The following SNAP91 variants were observed in gnomAD, a reference collection of about 807,000 sequenced individuals.
SNAP91 encodes synaptosome associated protein 91, also known as clathrin coat assembly protein AP180.
SNAP91 carries 27 observed loss-of-function variants against 100.3 expected under a neutral mutation model. That is an observed-to-expected ratio of 0.27 (90% CI 0.20 to 0.37). The LOEUF is 0.37. Ranked by LOEUF, SNAP91 falls within the 10% of genes least tolerant of loss-of-function variation. SNAP91 has a pLI of 1.00. For synonymous variants in SNAP91, 404 were observed against 398.6 expected, an observed-to-expected ratio of 1.01 and a Z score of -0.16; for missense variants, 986 against 1,123.7, an observed-to-expected ratio of 0.88 and a Z score of 1.75.
intron 26 of SNAP91, among the ~76,000 whole-genome samples, chr6:83,564,289 A>C (rs1474727456): frequency 6.6e-6 from 1 of 151,724 alleles, no homozygotes; most frequent in African/African-American, 2.4e-5. Context: ...TATCAAAACC[A>C]ATTAATCAAG....
chr6:83,568,312 A>T (rs1050218361), intron 26 of SNAP91, among the ~76,000 whole-genome samples: 18 of 152,030 alleles, frequency 1.2e-4, no homozygotes, highest in African/African-American at 4.1e-4. Flanking sequence ...ACTTGGACAC[A>T]GGAAGGGGAA....
intron 22 of SNAP91, among the ~76,000 whole-genome samples, chr6:83,583,084 G>A (rs1340156815): frequency 6.6e-6 from 1 of 152,114 alleles, no homozygotes; most frequent in Non-Finnish European, 1.5e-5. Context: ...TCTACTCACT[G>A]GCCCCTGCAG....
intron 2 of SNAP91, among the ~76,000 whole-genome samples, chr6:83,679,131 T>C (rs1281497905): frequency 1.3e-5 from 2 of 152,070 alleles, no homozygotes; most frequent in African/African-American, 4.8e-5. Flanking sequence ...ATTCCCATTG[T>C]ATTAGGTATT....
intron 16 of SNAP91, among the ~76,000 whole-genome samples, chr6:83,598,535 A>G (rs1010714792): frequency 6.6e-6 from 1 of 152,214 alleles, no homozygotes; most frequent in African/African-American, 2.4e-5. Flanking sequence ...TTCTGAAATT[A>G]AAATCCATTA....
intron 2 of SNAP91, chr6:83,686,824 C>T (rs973378455): frequency 1.3e-5 from 2 of 152,122 alleles, no homozygotes; most frequent in African/African-American, 4.8e-5. Flanking sequence ...AAGATGAATG[C>T]CAACTTCTAT....
chr6:83,645,468 C>T (rs1317908867), intron 7 of SNAP91, among the ~76,000 whole-genome samples: 1 of 152,102 alleles, frequency 6.6e-6, no homozygotes, highest in Non-Finnish European at 1.5e-5. Context: ...ACTGTTCACT[C>T]TTGGTGTTGT....
intron 2 of SNAP91, among the ~76,000 whole-genome samples, chr6:83,698,326 C>CA (rs34370410): frequency 0.42 from 44,817 of 107,874 alleles, 7,628 homozygotes; most frequent in East Asian, 0.58. Flanking sequence ...TCTCCAAGGC[C>CA]AAAAAAAAAA....
Position 83,643,146 on chromosome 6 carries a change from T to C in SNAP91, c.659-1944A>G, listed in dbSNP as rs1368951635. On this transcript the variant is annotated intron_variant, in intron 7 of 29. Transcript: ENST00000369694. ...TTCTCCCATTTTGTAGGTTGCCTAT[T>C]CACTCTGATGGTAGTTTCTTTTGCT... 9.2e-5 allele frequency among the ~76,000 whole-genome samples: 14 copies of C among 152,306 alleles called. No homozygotes were observed. In the East Asian group the frequency reaches 1.9e-3, roughly 21 times the overall value.
intron 2 of SNAP91, among the ~76,000 whole-genome samples, chr6:83,682,246 T>C (rs1269921494): frequency 6.7e-6 from 1 of 149,576 alleles, no homozygotes; most frequent in African/African-American, 2.4e-5. Context: ...GGTACAATCA[T>C]GGCTCACTGA....
At chr6:83,627,318 T>C (rs2096976405) in intron 8 of SNAP91, among the ~76,000 whole-genome samples, 1 of 151,996 alleles carries the variant, frequency 6.6e-6, no homozygotes, top group African/African-American at 2.4e-5. Context: ...TTCTTTTTTT[T>C]GTTGTGCCTT....
At chr6:83,617,074 G>A (rs2096526762) in intron 9 of SNAP91, 35 bp from the exon 10 acceptor site, 1 of 1,419,208 alleles carries the variant, frequency 7.0e-7, no homozygotes, top group Non-Finnish European at 9.6e-7. Flanking sequence ...TGTCTGCATT[G>A]TTTACTTTCA....
chr6:83,662,872 C>G (rs1259277316), intron 3 of SNAP91, among the ~76,000 whole-genome samples: 1 of 152,070 alleles, frequency 6.6e-6, no homozygotes, highest in African/African-American at 2.4e-5. Context: ...AGGCATATCT[C>G]ATTTTATTGA....
intron 9 of SNAP91, among the ~76,000 whole-genome samples, chr6:83,621,338 C>T (rs527643931): frequency 4.3e-4 from 65 of 152,190 alleles, no homozygotes; most frequent in Non-Finnish European, 8.7e-4. Context: ...ATATGTATCA[C>T]ATAAAAATAA....
At chr6:83,571,262 G>A (rs1314165458) in intron 26 of SNAP91, among the ~76,000 whole-genome samples, 4 of 152,100 alleles carry the variant, frequency 2.6e-5, no homozygotes, top group Non-Finnish European at 5.9e-5. Context: ...GTGCCACCAT[G>A]AGCAGCTAAT....
chr6:83,661,231 A>C (rs1050433374), intron 5 of SNAP91, among the ~76,000 whole-genome samples: 1 of 152,238 alleles, frequency 6.6e-6, no homozygotes, highest in Admixed American at 6.5e-5. Context: ...AAAATGTTAT[A>C]TAATTTGTCC....
At chr6:83,603,336 A>G (rs2095402870) in intron 14 of SNAP91, among the ~76,000 whole-genome samples, 1 of 152,148 alleles carries the variant, frequency 6.6e-6, no homozygotes, top group African/African-American at 2.4e-5. Flanking sequence ...ATGTTTAGCC[A>G]TGTGAACAAG....
intron 26 of SNAP91, among the ~76,000 whole-genome samples, chr6:83,567,061 C>G (rs1246322761): frequency 6.6e-6 from 1 of 152,164 alleles, no homozygotes; most frequent in Non-Finnish European, 1.5e-5. Flanking sequence ...GCCTCAGCCT[C>G]TCATATAGCT....
intron 8 of SNAP91, among the ~76,000 whole-genome samples, chr6:83,631,578 A>G (rs2097205803): frequency 6.6e-6 from 1 of 152,118 alleles, no homozygotes; most frequent in South Asian, 2.1e-4. Context: ...CGAGACTTTT[A>G]TCATTATATA....
intron 22 of SNAP91, among the ~76,000 whole-genome samples, chr6:83,590,710 G>C (rs1158554285): frequency 1.3e-5 from 2 of 151,990 alleles, no homozygotes; most frequent in Non-Finnish European, 2.9e-5. Context: ...AAAAAAAGAT[G>C]GGCATAGACA....
Sources: gnomAD v4.1 joint callset for allele counts (sites outside exome capture counted in the v4.1 genomes callset) on GRCh38, gnomAD v4.1.1 for gene constraint, MANE v1.5 for transcripts, NCBI Gene and HGNC (gene_info 2026-07-23, HGNC 2026-07-21) for gene names.